Variants in TYW1 observed in about 807,000 individuals in gnomAD.
TYW1 encodes the protein tRNA-yW synthesizing protein 1 homolog.
Under a neutral mutation model 96.2 loss-of-function variants are expected in TYW1, and 46 were observed. The observed-to-expected ratio is 0.48, with a 90% confidence interval of 0.38 to 0.61. TYW1 has a LOEUF of 0.61. Among genes scored for constraint, TYW1 ranks in the 20% least tolerant of loss-of-function variants. The probability of loss-of-function intolerance (pLI) is 0.00; values close to 1 mark genes in which losing one functional copy is unlikely to be tolerated. For missense variants in TYW1, 684 were observed against 909.6 expected, an observed-to-expected ratio of 0.75 and a Z score of 3.19; for synonymous variants, 274 against 323.0, an observed-to-expected ratio of 0.85 and a Z score of 1.63.
At chr7:67,024,814 A>G (rs1027699818) in intron 6 of TYW1, 86 bp from the exon 7 acceptor site, 58 of 1,530,788 alleles carry the variant, frequency 3.8e-5, no homozygotes, top group Non-Finnish European at 4.9e-5. Context: ...TTAGAGACAT[A>G]GTGAATTCTC....
intron 10 of TYW1, among the ~76,000 whole-genome samples, chr7:67,069,028 G>A (rs1795955956): frequency 6.6e-6 from 1 of 152,036 alleles, no homozygotes; most frequent in Admixed American, 6.6e-5. Flanking sequence ...TCTAGTCAAT[G>A]TCATCTCTTA....
intron 9 of TYW1, among the ~76,000 whole-genome samples, chr7:67,064,917 T>G (rs1795813376): frequency 6.6e-6 from 1 of 152,212 alleles, no homozygotes. Flanking sequence ...GTCTTAAACT[T>G]CACACCTTAT....
At chr7:67,039,004 A>G (rs1394545984) in intron 7 of TYW1, among the ~76,000 whole-genome samples, 4 of 152,240 alleles carry the variant, frequency 2.6e-5, no homozygotes, top group Non-Finnish European at 5.9e-5. Context: ...GCAAAATGCA[A>G]GTATTTGAAA....
At chr7:67,226,679 C>T (rs1801569331) in intron 15 of TYW1, among the ~76,000 whole-genome samples, 1 of 152,208 alleles carries the variant, frequency 6.6e-6, no homozygotes, top group East Asian at 1.9e-4. Context: ...GTGAATTACT[C>T]TTTCTCCATT....
chr7:67,115,510 G>A (rs1053225112), intron 12 of TYW1, among the ~76,000 whole-genome samples: 3 of 152,116 alleles, frequency 2.0e-5, no homozygotes, highest in African/African-American at 7.2e-5. Context: ...TTTGGTCAGA[G>A]CCTCTCCACT....
At chr7:67,148,146 CT>C (rs1421928290) in intron 13 of TYW1, among the ~76,000 whole-genome samples, 1 of 151,656 alleles carries the variant, frequency 6.6e-6, no homozygotes, top group African/African-American at 2.4e-5. Context: ...GGTTATTGGT[CT>C]GTTGGTTTGA....
intron 9 of TYW1, among the ~76,000 whole-genome samples, chr7:67,063,686 T>C (rs570064100): frequency 2.6e-5 from 4 of 152,100 alleles, no homozygotes; most frequent in Admixed American, 1.3e-4. Context: ...TCACTGCAAG[T>C]TCCGCCTTCC....
At chr7:67,056,251 C>A (rs1043713384) in intron 9 of TYW1, among the ~76,000 whole-genome samples, 13 of 152,014 alleles carry the variant, frequency 8.6e-5, no homozygotes, top group Admixed American at 2.0e-4. Context: ...CTAGCACTTT[C>A]GGAGGCCAGG....
intron 9 of TYW1, among the ~76,000 whole-genome samples, chr7:67,059,646 GT>G (rs1795634721): frequency 6.7e-6 from 1 of 148,570 alleles, no homozygotes; most frequent in South Asian, 2.2e-4. Context: ...TCTCCTCATG[GT>G]CTTCCCTGCT....
chr7:67,067,763 C>CT (rs949005597), intron 10 of TYW1, among the ~76,000 whole-genome samples: 10 of 151,852 alleles, frequency 6.6e-5, no homozygotes, highest in Non-Finnish European at 8.8e-5. Context: ...ACATTGTTTT[C>CT]TTTTTTTTCT....
At chr7:67,135,141 G>A (rs1798204684) in intron 13 of TYW1, among the ~76,000 whole-genome samples, 1 of 151,446 alleles carries the variant, frequency 6.6e-6, no homozygotes, top group Non-Finnish European at 1.5e-5. Flanking sequence ...ATGAATCAAT[G>A]AATACATGCA....
At chr7:67,174,185 T>C (rs1177816830) in intron 13 of TYW1, among the ~76,000 whole-genome samples, 2 of 151,972 alleles carry the variant, frequency 1.3e-5, no homozygotes, top group Non-Finnish European at 2.9e-5. Context: ...TTATGCTGCT[T>C]ATCAGATTAA....
chr7:67,224,276 C>CA (rs1233512094), intron 15 of TYW1, among the ~76,000 whole-genome samples: 1 of 152,216 alleles, frequency 6.6e-6, no homozygotes, highest in African/African-American at 2.4e-5. Flanking sequence ...TACAGGTGTA[C>CA]ACCACCACAC....
rs748335778 is a variant in TYW1 at position 67,179,846 on chromosome 7, A to AATAT, written c.1699-3263_1699-3260dup. Among the ~76,000 whole-genome samples, 487 of 116,094 alleles carry AATAT rather than the reference A, an allele frequency of 4.2e-3. 80 individuals carry two copies. Among genetic ancestry groups the AATAT allele is most frequent in the African/African-American group, 0.015 (418 of 27,872 alleles). 76.2% of individuals were successfully genotyped at this position (116,094 alleles called of 152,430 possible). ...GCTATTTCATAATTTAATCATTAGG[A>AATAT]ATATATATATATATATATATTTTTT... On this transcript the variant is annotated intron_variant, in intron 13 of 15. Transcript: ENST00000359626.
intron 13 of TYW1, among the ~76,000 whole-genome samples, chr7:67,165,002 A>AT (rs200794334): frequency 6.7e-6 from 1 of 150,104 alleles, no homozygotes; most frequent in African/African-American, 2.5e-5. Flanking sequence ...AGATTTGAAT[A>AT]TTTTTCAGAT....
chr7:67,055,560 C>T lies in TYW1; in HGVS notation c.1103-275C>T, dbSNP rs1314045231. Among the ~76,000 whole-genome samples, 15 of 150,160 alleles carry T rather than the reference C, an allele frequency of 1.0e-4. No homozygotes were observed. The Admixed American group carries it at 1.0e-3, about 10-fold the overall frequency. On this transcript the variant is annotated intron_variant, in intron 8 of 15. Transcript: ENST00000359626. ...GCTGCAGTGAGCTGAGATCACAACA[C>T]TGCACTCCTGCCTGGGTGACAGAGC...
intron 12 of TYW1, among the ~76,000 whole-genome samples, chr7:67,100,002 CAA>C (rs936265638): frequency 7.0e-6 from 1 of 143,054 alleles, no homozygotes. Flanking sequence ...AACTCTGACT[CAA>C]AAAAAAAAAG....
intron 12 of TYW1, among the ~76,000 whole-genome samples, chr7:67,100,635 A>T (rs1196123523): frequency 2.0e-5 from 3 of 152,142 alleles, no homozygotes; most frequent in Non-Finnish European, 4.4e-5. Context: ...TCACGAGGTC[A>T]TGAGATTGAG....
chr7:66,997,086 A>G (rs1793192421), intron 1 of TYW1, 104 bp downstream of exon 1: 1 of 1,579,362 alleles, frequency 6.3e-7, no homozygotes, highest in African/African-American at 1.3e-5. Flanking sequence ...TTTCCTTCGG[A>G]GACTGTTGCA....
Sources: allele counts gnomAD v4.1 joint callset (sites outside exome capture counted in the v4.1 genomes callset), GRCh38; gene constraint gnomAD v4.1.1; transcripts MANE v1.5; gene names NCBI Gene and HGNC (gene_info 2026-07-23, HGNC 2026-07-21).